Variants in TCF4 observed in about 807,000 individuals in gnomAD.
TCF4 encodes the protein transcription factor 4.
A neutral mutation model predicts 82.1 loss-of-function variants in TCF4; 3 were observed. The ratio of observed to expected loss-of-function variants is 0.04; its 90% confidence interval spans 0.02 to 0.09. TCF4 has a LOEUF of 0.09. TCF4 is among the 10% of genes least tolerant of loss of function. The pLI is 1.00. For missense variants in TCF4, 518 were observed against 852.7 expected, an observed-to-expected ratio of 0.61 and a Z score of 4.89; for synonymous variants, 276 against 309.6, an observed-to-expected ratio of 0.89 and a Z score of 1.14.
chr18:55,468,569 T>C (rs1241026124), intron 3 of TCF4, among the ~76,000 whole-genome samples: 2 of 152,222 alleles, frequency 1.3e-5, no homozygotes, highest in Non-Finnish European at 2.9e-5. Flanking sequence ...CATGTGAATA[T>C]ATATACAGCT....
chr18:55,374,358 A>C lies in TCF4; in HGVS notation c.370-23355T>G, dbSNP rs991516947. Among the ~76,000 whole-genome samples, 5 of 152,062 alleles carry C rather than the reference A, an allele frequency of 3.3e-5. No homozygotes were observed. In the East Asian group the frequency reaches 7.7e-4, roughly 23 times the overall value. ...CAAAAGAAGGTACTTGAAAAAAAAA[A>C]CCAAAGAAAACACACAAACCTCTGG... On this transcript the variant is annotated intron_variant, in intron 6 of 19. Transcript: ENST00000354452.
chr18:55,573,576 C>T (rs2097498235), intron 3 of TCF4, among the ~76,000 whole-genome samples: 1 of 152,146 alleles, frequency 6.6e-6, no homozygotes, highest in Admixed American at 6.5e-5. Flanking sequence ...TGACACCTAC[C>T]AACCCCCACC....
chr18:55,590,832 A>G (rs1266297012), upstream of TCF4, among the ~76,000 whole-genome samples: 1 of 152,232 alleles, frequency 6.6e-6, no homozygotes, highest in Non-Finnish European at 1.5e-5. Context: ...AACCCTATGG[A>G]GTATGTATTA....
In TCF4 at chr18:55,310,734, T is replaced by A. The variant is rs148168468; in HGVS notation, c.550-31078A>T. Among the ~76,000 whole-genome samples, 205 of 152,352 alleles carry A rather than the reference T, an allele frequency of 1.3e-3. 9 individuals carry two copies. The East Asian group carries it at 0.031, about 23-fold the overall frequency. ...GATAACAGACGATATGATGTTATGA[T>A]GTTAATGATGATGTAAACAATGTCC... On this transcript the variant is annotated intron_variant, in intron 8 of 19. Transcript: ENST00000354452.
intron 5 of TCF4, among the ~76,000 whole-genome samples, chr18:55,436,081 C>G (rs1420650785): frequency 6.6e-6 from 1 of 152,190 alleles, no homozygotes; most frequent in African/African-American, 2.4e-5. Flanking sequence ...ATAGTAATCA[C>G]TACATGATAC....
chr18:55,236,187 C>T (rs191586490), intron 15 of TCF4, among the ~76,000 whole-genome samples: 2 of 152,152 alleles, frequency 1.3e-5, no homozygotes, highest in South Asian at 2.1e-4. Context: ...AATAAGACAA[C>T]ACTTGAGGCT....
At chr18:55,476,667 T>C (rs970472112) in intron 3 of TCF4, among the ~76,000 whole-genome samples, 1 of 151,892 alleles carries the variant, frequency 6.6e-6, no homozygotes, top group Non-Finnish European at 1.5e-5. Context: ...AGGGTCTCAC[T>C]ATGTTGCTCA....
At chr18:55,251,764 A>T (rs1343914142) in intron 15 of TCF4, among the ~76,000 whole-genome samples, 1 of 152,160 alleles carries the variant, frequency 6.6e-6, no homozygotes, top group Non-Finnish European at 1.5e-5. Context: ...TGAGACTCTC[A>T]CCAGTGCTCT....
chr18:55,428,901 G>A (rs966937235), intron 5 of TCF4, among the ~76,000 whole-genome samples: 4 of 151,998 alleles, frequency 2.6e-5, no homozygotes, highest in Non-Finnish European at 5.9e-5. Flanking sequence ...ACTGATGAGA[G>A]GTCTACTCTG....
In TCF4 at chr18:55,381,131, A is replaced by C. The variant is rs73492941; in HGVS notation, c.369+22323T>G. 8.2e-3 allele frequency among the ~76,000 whole-genome samples: 1,250 copies of C among 152,354 alleles called. 18 individuals are homozygous for C. The highest frequency in any genetic ancestry group is 0.028 in the African/African-American group (1,166 of 41,580). ...CACCCCATCAGTTTCAAAGTAAAGA[A>C]TAGCACGAAATGTCTTGGGAAATCA... On this transcript the variant is annotated intron_variant, in intron 6 of 19. Transcript: ENST00000354452.
At chr18:55,504,491 T>C (rs1402695650) in intron 3 of TCF4, among the ~76,000 whole-genome samples, 1 of 152,248 alleles carries the variant, frequency 6.6e-6, no homozygotes, top group Admixed American at 6.5e-5. Flanking sequence ...ATAGACACTG[T>C]AATTCTTCAA....
In TCF4 at chr18:55,391,296, T is replaced by G. The variant is rs56833795; in HGVS notation, c.369+12158A>C. 7.1e-3 allele frequency among the ~76,000 whole-genome samples: 1,089 copies of G among 152,320 alleles called. 16 individuals carry two copies. The highest frequency in any genetic ancestry group is 0.025 in the African/African-American group (1,036 of 41,574). On this transcript the variant is annotated intron_variant, in intron 6 of 19. Transcript: ENST00000354452. ...CTTCAAAGCAGTGGCAGGGTGCAAGTTAAGGTGTATTCCCCAACTTTCATG... is the reference window on the plus strand; with the variant it reads ...CTTCAAAGCAGTGGCAGGGTGCAAGGTAAGGTGTATTCCCCAACTTTCATG...
chr18:55,471,596 T>A (rs914147327), intron 3 of TCF4, among the ~76,000 whole-genome samples: 6 of 151,970 alleles, frequency 3.9e-5, no homozygotes, highest in Admixed American at 1.3e-4. Context: ...GTAAAACCCA[T>A]CTCTACTAAA....
intron 2 of TCF4, among the ~76,000 whole-genome samples, chr18:55,602,300 G>A (rs887801189): frequency 5.9e-5 from 9 of 152,136 alleles, no homozygotes; most frequent in African/African-American, 1.4e-4. Flanking sequence ...TCAGAACCCC[G>A]GCTGTCTGGC....
Position 55,284,161 on chromosome 18 carries a change from C to T in TCF4, c.550-4505G>A, listed in dbSNP as rs941895927. Reference sequence around the variant, plus strand: ...GGAACGGTGGCTCATGCGTGTAATCCCAGCACTTTGGGAGGTTGAGGTGGG... The same window carrying T: ...GGAACGGTGGCTCATGCGTGTAATCTCAGCACTTTGGGAGGTTGAGGTGGG... On this transcript the variant is annotated intron_variant, in intron 8 of 19. Transcript: ENST00000354452. The T allele has an allele frequency of 2.0e-5, 3 of 151,924 alleles. No individual in the cohort carries two copies. In the East Asian group the frequency reaches 5.8e-4, roughly 29 times the overall value. The allele number at this position is 151,924 out of a possible 1,614,324, so 9.4% of individuals were successfully genotyped here. A position where few individuals can be genotyped will look rare whatever the true frequency, so the allele number is the denominator to read the frequency against.
At chr18:55,444,489 T>G (rs1325450518) in intron 5 of TCF4, among the ~76,000 whole-genome samples, 3 of 152,316 alleles carry the variant, frequency 2.0e-5, no homozygotes, top group Admixed American at 2.0e-4. Flanking sequence ...CCAGTTGCGC[T>G]TTTGAAGGAA....
At chr18:55,336,034 A>G (rs1188513646) in intron 8 of TCF4, among the ~76,000 whole-genome samples, 1 of 152,030 alleles carries the variant, frequency 6.6e-6, no homozygotes, top group Non-Finnish European at 1.5e-5. Flanking sequence ...TTATATGAGT[A>G]AGATAAAACT....
intron 3 of TCF4, among the ~76,000 whole-genome samples, chr18:55,547,640 T>C (rs994976256): frequency 2.0e-5 from 3 of 152,226 alleles, no homozygotes; most frequent in Admixed American, 6.5e-5. Context: ...TATATTTACA[T>C]TGTAAGACAT....
At chr18:55,337,115 T>C (rs1266303256) in intron 8 of TCF4, among the ~76,000 whole-genome samples, 1 of 152,078 alleles carries the variant, frequency 6.6e-6, no homozygotes, top group African/African-American at 2.4e-5. Context: ...GTTTAAATAC[T>C]AGATAATAAT....
Sources: gnomAD v4.1 joint callset for allele counts (sites outside exome capture counted in the v4.1 genomes callset) on GRCh38, gnomAD v4.1.1 for gene constraint, MANE v1.5 for transcripts, NCBI Gene and HGNC (gene_info 2026-07-23, HGNC 2026-07-21) for gene names.